GAPVD1: variants seen among roughly 807,000 people sequenced by gnomAD.
GAPVD1 encodes the protein GTPase activating protein and VPS9 domains 1, also known as GTPase-activating protein and VPS9 domain-containing protein 1.
GAPVD1 carries 35 observed loss-of-function variants against 155.5 expected under a neutral mutation model. The ratio of observed to expected loss-of-function variants is 0.23; its 90% confidence interval spans 0.17 to 0.30. The LOEUF (loss-of-function observed/expected upper bound fraction) is 0.30, where lower values mean the gene tolerates loss of function less well. Among genes scored for constraint, GAPVD1 ranks in the 10% least tolerant of loss-of-function variants. The pLI is 1.00. For missense variants in GAPVD1, 1,429 were observed against 1,775.7 expected (o/e 0.80, Z 3.51); for synonymous variants, 636 against 619.7 (o/e 1.03, Z -0.39).
chr9:125,356,917 C>T (rs888612851), intron 25 of GAPVD1, among the ~76,000 whole-genome samples: 2 of 152,130 alleles, frequency 1.3e-5, no homozygotes, highest in Non-Finnish European at 1.5e-5. Flanking sequence ...TCAGATGATC[C>T]GCTCGTCTTG....
intron 17 of GAPVD1, among the ~76,000 whole-genome samples, chr9:125,340,165 C>T (rs907791095): frequency 1.3e-5 from 2 of 152,086 alleles, no homozygotes; most frequent in South Asian, 4.2e-4. Flanking sequence ...GGATTATAGG[C>T]GAGCACCACC....
At chr9:125,263,681 GCA>G (rs1332819046) in intron 1 of GAPVD1, 120 of 865,258 alleles carry the variant, frequency 1.4e-4, no homozygotes, top group Non-Finnish European at 2.2e-4. Context: ...GCACTAAGTG[GCA>G]CAGCACTCCA....
chr9:125,342,525 C>T (rs1489481998), intron 19 of GAPVD1, among the ~76,000 whole-genome samples: 2 of 152,192 alleles, frequency 1.3e-5, no homozygotes, highest in Admixed American at 6.5e-5. Context: ...ATCATAACTC[C>T]GTTTATGATG....
rs747584893 is a variant in GAPVD1, at chr9:125,321,572, T to A, written c.1732+10T>A. The A allele has an allele frequency of 1.9e-6, 3 of 1,610,150 alleles. No individual in the cohort carries two copies. The South Asian group carries it at 3.3e-5, about 18-fold the overall frequency. On this transcript the variant is annotated intron_variant, in intron 10 of 27. Transcript: ENST00000297933. ...GAAGGAATATCTGAAGGTGAAGGGT[T>A]ACTTCATTCAAGGAGTTGTGTGGTT...
chr9:125,349,032 G>C (rs1848930713), intron 20 of GAPVD1, among the ~76,000 whole-genome samples: 1 of 152,182 alleles, frequency 6.6e-6, no homozygotes, highest in Non-Finnish European at 1.5e-5. Context: ...TCTATAAAAT[G>C]AGGGTATAAA....
At chr9:125,343,086 C>A (rs1848045791) in intron 19 of GAPVD1, among the ~76,000 whole-genome samples, 1 of 152,092 alleles carries the variant, frequency 6.6e-6, no homozygotes, top group South Asian at 2.1e-4. Context: ...CAAGTTTGTT[C>A]AACCCACGGA....
At chr9:125,355,213 T>TTCA (rs60403685) in intron 24 of GAPVD1, among the ~76,000 whole-genome samples, 91,014 of 151,982 alleles carry the variant, frequency 0.6, 29,410 homozygotes, top group African/African-American at 0.87. Flanking sequence ...GTCTCCCTGG[T>TTCA]AGCTGCCTCA....
At chr9:125,353,637 G>A (rs779044939) in intron 23 of GAPVD1, among the ~76,000 whole-genome samples, 36 of 152,130 alleles carry the variant, frequency 2.4e-4, no homozygotes, top group Non-Finnish European at 5.0e-4. Flanking sequence ...CATGTGGCTG[G>A]GGAGGCCTCA....
intron 18 of GAPVD1, 72 bp downstream of exon 18, chr9:125,341,336 C>A: frequency 1.3e-6 from 1 of 760,448 alleles, no homozygotes. Flanking sequence ...TTCAGAGAGC[C>A]AATGTCTCAA....
intron 24 of GAPVD1, among the ~76,000 whole-genome samples, chr9:125,355,391 A>C (rs1327628661): frequency 6.6e-6 from 1 of 152,250 alleles, no homozygotes; most frequent in Non-Finnish European, 1.5e-5. Flanking sequence ...GGCGTGAGCC[A>C]CTGTGCCTGG....
chr9:125,308,730 G>A (rs1461092327), intron 8 of GAPVD1: 1 of 152,188 alleles, frequency 6.6e-6, no homozygotes, highest in Non-Finnish European at 1.5e-5. Context: ...GATGTGTCTT[G>A]CACATGAGGC....
At chr9:125,342,612 G>A (rs926136256) in intron 19 of GAPVD1, among the ~76,000 whole-genome samples, 1 of 152,180 alleles carries the variant, frequency 6.6e-6, no homozygotes, top group African/African-American at 2.4e-5. Context: ...GTGCCTTTTA[G>A]GAAAGTGTGG....
At chr9:125,335,669 C>G (rs986765204) in intron 15 of GAPVD1, among the ~76,000 whole-genome samples, 1 of 152,032 alleles carries the variant, frequency 6.6e-6, no homozygotes, top group East Asian at 2.0e-4. Context: ...GAGTGAGACT[C>G]TGTCTCAAAA....
intron 2 of GAPVD1, among the ~76,000 whole-genome samples, chr9:125,292,322 G>T (rs1199460294): frequency 6.6e-6 from 1 of 151,944 alleles, no homozygotes; most frequent in Non-Finnish European, 1.5e-5. Flanking sequence ...AGGATGACCT[G>T]GAAGTTCTGA....
At chr9:125,286,350 C>T (rs1837698051) in intron 2 of GAPVD1, among the ~76,000 whole-genome samples, 1 of 151,980 alleles carries the variant, frequency 6.6e-6, no homozygotes, top group South Asian at 2.1e-4. Flanking sequence ...TGCCATGTTG[C>T]CTAGGCTGAT....
chr9:125,316,009 AG>A (rs1412484425), intron 9 of GAPVD1, among the ~76,000 whole-genome samples: 1 of 152,144 alleles, frequency 6.6e-6, no homozygotes, highest in Non-Finnish European at 1.5e-5. Flanking sequence ...TTGTTATTCC[AG>A]GTGTTAAATC....
intron 2 of GAPVD1, among the ~76,000 whole-genome samples, chr9:125,295,034 C>G: frequency 6.6e-6 from 1 of 151,578 alleles, no homozygotes; most frequent in Non-Finnish European, 1.5e-5. Flanking sequence ...CTTGACTTAG[C>G]TACATACTAG....
chr9:125,359,858 G>A (rs1850666916), intron 26 of GAPVD1: 1 of 188,482 alleles, frequency 5.3e-6, no homozygotes, highest in Admixed American at 5.7e-5. Flanking sequence ...CTCAGGAGAG[G>A]TCATTGAGTC....
At chr9:125,298,818 T>A in intron 3 of GAPVD1, 72 bp from the exon 4 acceptor site, 1 of 663,014 alleles carries the variant, frequency 1.5e-6, no homozygotes, top group Non-Finnish European at 2.5e-6. Flanking sequence ...AGTATTCTCC[T>A]GTCCCTTTTG....
Sources: gnomAD v4.1 joint callset for allele counts (sites outside exome capture counted in the v4.1 genomes callset) on GRCh38, gnomAD v4.1.1 for gene constraint, MANE v1.5 for transcripts, NCBI Gene and HGNC (gene_info 2026-07-23, HGNC 2026-07-21) for gene names.